IK: variants seen among roughly 807,000 people sequenced by gnomAD.
The protein encoded by IK is IK cytokine, also known as protein Red.
A neutral mutation model predicts 90.9 loss-of-function variants in IK; 47 were observed. That is an observed-to-expected ratio of 0.52 (90% confidence interval 0.41 to 0.66). The LOEUF is 0.66. Among genes scored for constraint, IK ranks in the 30% least tolerant of loss-of-function variants. The pLI is 0.00. For synonymous variants in IK, 201 were observed against 227.5 expected, an observed-to-expected ratio of 0.88 and a Z score of 1.05; for missense variants, 385 against 709.3, an observed-to-expected ratio of 0.54 and a Z score of 5.19.
chr5:140,657,746 C>G (rs745985445), intron 10 of IK, 84 bp downstream of exon 10: 23 of 846,088 alleles, frequency 2.7e-5, no homozygotes, highest in Admixed American at 4.8e-5. Flanking sequence ...TTTCTGTCTC[C>G]AGAATATTGA....
rs192524892 is a variant in IK at position 140,652,339 on chromosome 5, G to A, written c.236+192G>A. 2.4e-3 allele frequency among the ~76,000 whole-genome samples: 365 copies of A among 152,098 alleles called. 1 individual carries two copies. The highest frequency in any genetic ancestry group is 3.8e-3 in the Non-Finnish European group (260 of 67,990). ...CTATCTATATTTTAATCTCATCTTC[G>A]CTAGTTTCTTGGTGGATAACCTAGA... is the stretch of plus-strand genomic sequence containing the variant. On this transcript the variant is annotated intron_variant, in intron 4 of 19. Coordinates refer to ENST00000417647, the MANE Select transcript of IK (RefSeq NM_006083.4).
intron 8 of IK, among the ~76,000 whole-genome samples, chr5:140,655,401 A>G (rs953536040): frequency 5.3e-5 from 8 of 152,256 alleles, no homozygotes. Flanking sequence ...GGGATGAAGA[A>G]AAATGAAATC....
At chr5:140,653,268 C>T in intron 5 of IK, 124 bp downstream of exon 5, 1 of 740,466 alleles carries the variant, frequency 1.4e-6, no homozygotes, top group Non-Finnish European at 2.1e-6. Flanking sequence ...AGGCATTTGC[C>T]ACCCACAAAG....
intron 4 of IK, among the ~76,000 whole-genome samples, chr5:140,652,571 A>T (rs547914228): frequency 1.3e-5 from 2 of 152,328 alleles, no homozygotes; most frequent in South Asian, 2.1e-4. Context: ...AAGTTTCAGG[A>T]CCTGGTACTT....
chr5:140,656,590 C>T lies in IK; in HGVS notation c.801+598C>T, dbSNP rs374875107. ...TATCTTGTTATTGAGGTGTTATTCACATGCCATATAATTCATCCTTTAAAG... is the reference window on the plus strand; with the variant it reads ...TATCTTGTTATTGAGGTGTTATTCATATGCCATATAATTCATCCTTTAAAG... On this transcript the variant is annotated intron_variant, in intron 9 of 19. Coordinates refer to ENST00000417647, the MANE Select transcript of IK (RefSeq NM_006083.4). 3.3e-5 allele frequency among the ~76,000 whole-genome samples: 5 copies of T among 152,266 alleles called. No homozygotes were observed. The East Asian group carries it at 9.6e-4, about 29-fold the overall frequency.
rs762057029 is a variant in IK at position 140,648,007 on chromosome 5, GGTGTGTGTGTGTGTGT to G, written c.16+106_16+121del. ...TATTGTAGCTTCTGAGCTTAAGCCGGGTGTGTGTGTGTGTGTGTGTGTGTGTGTGTGTGTGTGTATG... is the reference window on the plus strand; with the variant it reads ...TATTGTAGCTTCTGAGCTTAAGCCGGGTGTGTGTGTGTGTGTGTGTGTATG... On this transcript the variant is annotated intron_variant, in intron 1 of 19. Transcript: ENST00000417647. 54 of 931,544 alleles carry G rather than the reference GGTGTGTGTGTGTGTGT, an allele frequency of 5.8e-5. No homozygotes were observed. The South Asian group carries it at 6.5e-4, about 11-fold the overall frequency. The allele number at this position is 931,544 out of a possible 1,614,324, so 57.7% of individuals were successfully genotyped here.
In IK at chr5:140,652,109, G is replaced by A. The variant is rs778802559; in HGVS notation, c.198G>A (p.Glu66=). ...RHHEMPREYN[E]DEDPAARRRK... is the part of the protein sequence containing the mutation. Reference sequence around the variant, plus strand: ...CTAGGATGCCAAGGGAGTACAATGAGGATGAAGACCCAGCTGCACGAAGGA... The same window carrying A: ...CTAGGATGCCAAGGGAGTACAATGAAGATGAAGACCCAGCTGCACGAAGGA... The change falls in exon 4 of 20, where the codon GAG becomes GAA. Residue 66 remains glutamate, a synonymous_variant. Transcript: ENST00000417647. 4.2e-5 allele frequency: 68 copies of A among 1,613,466 alleles called. No individual in the cohort carries two copies. The Admixed American group carries it at 5.2e-4, about 12-fold the overall frequency.
Position 140,653,155 on chromosome 5 carries a change from A to G in IK, c.404+11A>G. On this transcript the variant is annotated intron_variant, in intron 5 of 19. Transcript: ENST00000417647. ...CCCCACTGCTGAGGCGTGAGTACTG[A>G]GGGAACAGGGCATGGTTCCCTCAGC... 1.2e-6 allele frequency: 2 copies of G among 1,611,244 alleles called. No homozygotes were observed. Among genetic ancestry groups the G allele is most frequent in the Non-Finnish European group, 1.7e-6 (2 of 1,177,878 alleles).
At chr5:140,653,874 A>T in intron 5 of IK, 64 bp from the exon 6 acceptor site, 1 of 987,958 alleles carries the variant, frequency 1.0e-6, no homozygotes, top group South Asian at 1.4e-5. Context: ...GAGTACTGGG[A>T]TTACAGGCGT....
rs749631304 is a variant in IK at position 140,657,555 on chromosome 5, C to A, written c.803C>A (p.Ala268Asp). The A allele has an allele frequency of 1.7e-5, 27 of 1,601,908 alleles. No homozygotes were observed. The highest frequency in any genetic ancestry group is 2.3e-5 in the Non-Finnish European group (27 of 1,175,252). Reference sequence around the variant, plus strand: ...ATTCTTGTTTCTTGGTATTTTCAGGCCCAGACCACACTGACCACAAATGAC... The same window carrying A: ...ATTCTTGTTTCTTGGTATTTTCAGGACCAGACCACACTGACCACAAATGAC... ...RSKADCPTME[A>D]QTTLTTNDIV... The change falls in exon 10 of 20, where the codon GCC (alanine) becomes GAC (aspartate). Residue 268 changes from alanine (A) to aspartate (D), a missense_variant and splice_region_variant. By Grantham distance (126) the Ala-to-Asp change is moderately radical. Transcript: ENST00000417647.
At chr5:140,658,644 T>G in intron 10 of IK, 93 bp from the exon 11 acceptor site, 2 of 1,043,604 alleles carry the variant, frequency 1.9e-6, no homozygotes, top group Non-Finnish European at 1.5e-6. Flanking sequence ...AAACAGAAGA[T>G]GTTTAAAAGG....
chr5:140,647,856 G>A lies in IK; in HGVS notation c.-53G>A, dbSNP rs1450468780. On this transcript the variant is annotated 5_prime_UTR_variant, in exon 1 of 20. Transcript: ENST00000417647. ...ACTGTGGGAAAGAGCTTGTCGCTGCGGTGTTGCTGTTGGAGACTCGATTGT... is the reference window on the plus strand; with the variant it reads ...ACTGTGGGAAAGAGCTTGTCGCTGCAGTGTTGCTGTTGGAGACTCGATTGT... 6.2e-7 allele frequency: 1 copy of A among 1,609,386 alleles called. No individual in the cohort carries two copies. Among genetic ancestry groups the A allele is most frequent in the Non-Finnish European group, 8.5e-7 (1 of 1,175,736 alleles).
Position 140,662,398 on chromosome 5 carries a change from A to T in IK, c.*69A>T, listed in dbSNP as rs930363428. ...ACTGTTTTCTTTCTACAATTTCCAA[A>T]GGTTGCAAGATGTTTTTTTGTGGAT... On this transcript the variant is annotated 3_prime_UTR_variant, in exon 20 of 20. Transcript: ENST00000417647. The T allele has an allele frequency of 8.5e-6, 13 of 1,522,126 alleles. No individual in the cohort carries two copies. Among genetic ancestry groups the T allele is most frequent in the Non-Finnish European group, 1.0e-5 (11 of 1,099,312 alleles). 94.3% of individuals were successfully genotyped at this position (1,522,126 alleles called of 1,614,324 possible).
intron 1 of IK, 188 bp from the exon 2 acceptor site, chr5:140,648,283 G>C (rs1302798983): frequency 2.8e-6 from 2 of 713,204 alleles, no homozygotes; most frequent in African/African-American, 3.5e-5. Flanking sequence ...CTCCAGCGCA[G>C]GATTAGGGTC....
chr5:140,647,985 T>C, intron 1 of IK, 61 bp downstream of exon 1: 1 of 1,549,268 alleles, frequency 6.5e-7, no homozygotes, highest in Admixed American at 1.7e-5. Flanking sequence ...GGCGCATTAT[T>C]GTAGCTTCTG....
intron 8 of IK, among the ~76,000 whole-genome samples, chr5:140,655,028 C>A (rs141667795): frequency 6.6e-6 from 1 of 151,822 alleles, no homozygotes; most frequent in South Asian, 2.1e-4. Context: ...TTGCCCAGGC[C>A]GGTCTCAAAC....
chr5:140,661,751 G>A lies in IK; in HGVS notation c.1502+43G>A. On this transcript the variant is annotated intron_variant, in intron 17 of 19. Transcript: ENST00000417647. The surrounding 1 kb of genome is among the most constrained non-coding windows in gnomAD (Gnocchi z 4.2). ...ATGGGCAGGGTGTGAGGAGGGGTGT[G>A]GGGATTTGGTGGAATAGTGCATATA... The A allele has an allele frequency of 6.6e-7, 1 of 1,507,096 alleles. No homozygotes were observed. The highest frequency in any genetic ancestry group is 9.1e-7 in the Non-Finnish European group (1 of 1,097,146). The allele number at this position is 1,507,096 out of a possible 1,614,324, so 93.4% of individuals were successfully genotyped here.
At chr5:140,648,005 CGG>C in intron 1 of IK, 81 bp downstream of exon 1, 1 of 1,087,282 alleles carries the variant, frequency 9.2e-7, no homozygotes, top group South Asian at 1.4e-5. Flanking sequence ...GAGCTTAAGC[CGG>C]GTGTGTGTGT....
At chr5:140,653,453 A>AT (rs1349916609) in intron 5 of IK, among the ~76,000 whole-genome samples, 1 of 137,766 alleles carries the variant, frequency 7.3e-6, no homozygotes, top group Non-Finnish European at 1.6e-5. Context: ...CGCCCGGCTA[A>AT]TTTTTTGTAT....
Sources: gnomAD v4.1 joint callset for allele counts (sites outside exome capture counted in the v4.1 genomes callset) on GRCh38, gnomAD v4.1.1 for gene constraint, Gnocchi (gnomAD v3.1) non-coding constraint, MANE v1.5 for transcripts, NCBI Gene and HGNC (gene_info 2026-07-23, HGNC 2026-07-21) for gene names.